The following CHD2 variants were observed in gnomAD, a reference collection of about 807,000 sequenced individuals.
CHD2 encodes the protein chromodomain helicase DNA binding protein 2.
CHD2 carries 28 observed loss-of-function variants against 243.9 expected under a neutral mutation model. The ratio of observed to expected loss-of-function variants is 0.11; its 90% CI spans 0.09 to 0.16. The LOEUF is 0.16. Ranked by LOEUF, CHD2 falls within the 10% of genes least tolerant of loss-of-function variation. The pLI is 1.00. For missense variants in CHD2, 1,386 were observed against 2,209.8 expected, an observed-to-expected ratio of 0.63 and a Z score of 7.47; for synonymous variants, 775 against 779.0, an observed-to-expected ratio of 0.99 and a Z score of 0.09.
intron 2 of CHD2, among the ~76,000 whole-genome samples, chr15:92,907,442 G>A (rs1443673909): frequency 3.3e-5 from 5 of 152,142 alleles, no homozygotes; most frequent in East Asian, 3.9e-4. Context: ...AGAAGCATCC[G>A]GCTAAGGCAG....
intron 2 of CHD2, chr15:92,921,475 A>AT (rs1158683614): frequency 6.6e-5 from 10 of 152,208 alleles, no homozygotes. Context: ...CTTGCCTAAC[A>AT]TCCCTTTCAA....
At chr15:93,023,291 G>A (rs1311929379) in intron 38 of CHD2, among the ~76,000 whole-genome samples, 3 of 152,206 alleles carry the variant, frequency 2.0e-5, no homozygotes, top group African/African-American at 7.2e-5. Flanking sequence ...GTGACCTTTT[G>A]TGTCTGGCTT....
At chr15:92,983,531 G>T (rs1204595272) in intron 24 of CHD2, among the ~76,000 whole-genome samples, 1 of 152,186 alleles carries the variant, frequency 6.6e-6, no homozygotes, top group Non-Finnish European at 1.5e-5. Context: ...CAAAGGCTAG[G>T]AGGGAGGGAA....
At chr15:92,936,646 A>T (rs1289340101) in intron 5 of CHD2, among the ~76,000 whole-genome samples, 1 of 152,162 alleles carries the variant, frequency 6.6e-6, no homozygotes, top group East Asian at 1.9e-4. Flanking sequence ...TAGTTATATG[A>T]TAGGTTTATT....
intron 24 of CHD2, among the ~76,000 whole-genome samples, chr15:92,983,337 G>A (rs2054003031): frequency 6.6e-6 from 1 of 152,302 alleles, no homozygotes; most frequent in Non-Finnish European, 1.5e-5. Context: ...CTTTAACCAC[G>A]ATGTCCCTTT....
intron 2 of CHD2, among the ~76,000 whole-genome samples, chr15:92,919,870 G>A (rs1567124826): frequency 6.6e-6 from 1 of 152,132 alleles, no homozygotes; most frequent in Admixed American, 6.5e-5. Flanking sequence ...TCACTATTAA[G>A]CTTCACTACT....
At chr15:92,921,619 G>A (rs1193116193) in intron 2 of CHD2, among the ~76,000 whole-genome samples, 9 of 152,168 alleles carry the variant, frequency 5.9e-5, no homozygotes, top group Non-Finnish European at 1.2e-4. Flanking sequence ...CATGGATTGT[G>A]GGGTAACGAC....
chr15:92,940,203 C>T (rs1215528718), intron 7 of CHD2, among the ~76,000 whole-genome samples: 1 of 152,076 alleles, frequency 6.6e-6, no homozygotes, highest in East Asian at 1.9e-4. Flanking sequence ...CCTGTAATTC[C>T]AACACTTTGG....
chr15:92,903,202 G>T (rs2141700142), intron 2 of CHD2, among the ~76,000 whole-genome samples: 1 of 152,340 alleles, frequency 6.6e-6, no homozygotes, highest in Middle Eastern at 3.4e-3. Context: ...GCTGTAGAAT[G>T]TTAGTGGTGT....
In CHD2 at chr15:92,924,411, C is replaced by T. The variant is rs201752698; in HGVS notation, c.153C>T (p.Ser51=). 1.0e-4 allele frequency: 161 copies of T among 1,613,994 alleles called. 2 individuals carry two copies. In the Admixed American group the frequency reaches 2.2e-3, roughly 22 times the overall value. ...GTGATCCAGGAAGTGGACATGGCAG[C>T]GAGTCGAACAGCAGCTCTGAATCTT... ...QGSDPGSGHG[S]ESNSSSESSE... Residue 51 remains serine, a synonymous_variant, in exon 3 of 39, where the codon AGC becomes AGT. Transcript: ENST00000394196.
In CHD2 at chr15:93,002,105, T is replaced by G. The variant is rs146214515; in HGVS notation, c.4138-72T>G. The G allele has an allele frequency of 1.1e-3, 1,678 of 1,530,210 alleles. 9 individuals carry two copies. In the Middle Eastern group the frequency reaches 0.012, roughly 11 times the overall value. 94.8% of individuals were successfully genotyped at this position (1,530,210 alleles called of 1,614,324 possible). A position where few individuals can be genotyped will look rare whatever the true frequency, so the allele number is the denominator to read the frequency against. On this transcript the variant is annotated intron_variant, in intron 32 of 38. Transcript: ENST00000394196. ...GTGATGAACCACTGGGGGCAGTGCT[T>G]CTTTTTCCAGAAAGTACATAAGTAG...
chr15:92,940,891 A>C (rs1178420419), intron 7 of CHD2, among the ~76,000 whole-genome samples: 1 of 45,814 alleles, frequency 2.2e-5, no homozygotes, highest in Non-Finnish European at 5.7e-5. Flanking sequence ...AATATATATA[A>C]AAATATATAT....
At chr15:92,980,738 C>A in intron 22 of CHD2, 77 bp from the exon 23 acceptor site, 1 of 1,025,502 alleles carries the variant, frequency 9.8e-7, no homozygotes, top group Non-Finnish European at 1.5e-6. Context: ...TGACCTCTTT[C>A]TGAAGGATAG....
At chr15:93,019,902 C>G in intron 37 of CHD2, 110 bp from the exon 38 acceptor site, 1 of 1,345,522 alleles carries the variant, frequency 7.4e-7, no homozygotes. Context: ...CACTGCACTC[C>G]AGCCTGGGCA....
chr15:92,902,034 T>C, intron 2 of CHD2: 1 of 392,582 alleles, frequency 2.5e-6, no homozygotes, highest in Non-Finnish European at 4.5e-6. Context: ...GTGATTAATA[T>C]TTGCAGTTGT....
chr15:92,926,875 G>T (rs945859837), intron 3 of CHD2, among the ~76,000 whole-genome samples: 3 of 152,202 alleles, frequency 2.0e-5, no homozygotes, highest in African/African-American at 7.2e-5. Flanking sequence ...ACAGGTGTGG[G>T]TTAGTGCAGT....
chr15:92,901,436 A>T lies in CHD2; in HGVS notation c.62+137A>T. ...CTAATTTGGATTCGTTTTTTAAAGC[A>T]TGACCTTGAGATTGCTAATATGCCA... On this transcript the variant is annotated intron_variant, in intron 2 of 38. Transcript: ENST00000394196. 7.6e-6 allele frequency: 5 copies of T among 656,792 alleles called. No homozygotes were observed. The South Asian group carries it at 9.3e-5, about 12-fold the overall frequency. 40.7% of individuals were successfully genotyped at this position (656,792 alleles called of 1,614,324 possible).
Position 92,952,559 on chromosome 15 carries a change from GTGGGGTTCA to G in CHD2, c.1503-795_1503-787del, listed in dbSNP as rs558801048. The stretch of plus-strand genomic sequence containing the variant: ...AGATCCCTCACATGTGTAGTTCATA[GTGGGGTTCA>G]TGCTCCTATGAGAATCTAATGCCGT... On this transcript the variant is annotated intron_variant, in intron 13 of 38. Coordinates refer to ENST00000394196, the MANE Select transcript of CHD2 (RefSeq NM_001271.4). 5.8e-4 allele frequency among the ~76,000 whole-genome samples: 89 copies of G among 152,304 alleles called. No individual in the cohort carries two copies. The South Asian group carries it at 0.017, about 30-fold the overall frequency.
At chr15:92,996,923 T>A in intron 28 of CHD2, 34 bp from the exon 29 acceptor site, 6 of 1,585,570 alleles carry the variant, frequency 3.8e-6, no homozygotes, top group Non-Finnish European at 5.1e-6. Context: ...TCTGCAGATT[T>A]TCATTTAACT....
Sources: allele counts gnomAD v4.1 joint callset (sites outside exome capture counted in the v4.1 genomes callset), GRCh38; gene constraint gnomAD v4.1.1; transcripts MANE v1.5; gene names NCBI Gene and HGNC (gene_info 2026-07-23, HGNC 2026-07-21).